Variants in CACNA2D3 observed in about 807,000 individuals in gnomAD.
The protein encoded by CACNA2D3 is voltage-dependent calcium channel subunit alpha-2/delta-3.
A neutral mutation model predicts 160.6 loss-of-function variants in CACNA2D3; 60 were observed. The observed-to-expected ratio is 0.37, with a 90% CI of 0.30 to 0.46. The LOEUF (loss-of-function observed/expected upper bound fraction) is 0.46. Ranked by LOEUF, CACNA2D3 falls within the 20% of genes least tolerant of loss-of-function variation. The probability of loss-of-function intolerance (pLI) is 1.00; values close to 1 mark genes in which losing one functional copy is unlikely to be tolerated. For missense variants in CACNA2D3, 1,205 were observed against 1,365.0 expected, an observed-to-expected ratio of 0.88 and a Z score of 1.85; for synonymous variants, 558 against 492.9, an observed-to-expected ratio of 1.13 and a Z score of -1.75.
At chr3:54,439,715 G>A (rs1700114023) in intron 4 of CACNA2D3, among the ~76,000 whole-genome samples, 1 of 152,116 alleles carries the variant, frequency 6.6e-6, no homozygotes, top group Admixed American at 6.5e-5. Flanking sequence ...CTTGGGGGAG[G>A]CAGTCACAGA....
chr3:54,997,944 A>G (rs141708862), intron 31 of CACNA2D3, among the ~76,000 whole-genome samples: 103 of 152,274 alleles, frequency 6.8e-4, no homozygotes, highest in Non-Finnish European at 1.3e-3. Context: ...ATGTTTGGGA[A>G]GCAGTTTAAG....
intron 17 of CACNA2D3, among the ~76,000 whole-genome samples, chr3:54,860,583 A>T (rs1471985236): frequency 6.6e-6 from 1 of 152,166 alleles, no homozygotes; most frequent in African/African-American, 2.4e-5. Flanking sequence ...TTTGAGCGTT[A>T]ATGATTTGAA....
intron 13 of CACNA2D3, among the ~76,000 whole-genome samples, chr3:54,765,033 TG>T (rs59741546): frequency 0.41 from 62,080 of 151,922 alleles, 13,879 homozygotes; most frequent in Non-Finnish European, 0.49. Flanking sequence ...ATGGGAGTGG[TG>T]TTTTTCATTT....
intron 9 of CACNA2D3, among the ~76,000 whole-genome samples, chr3:54,588,402 T>C (rs536557863): frequency 6.6e-6 from 1 of 152,312 alleles, no homozygotes; most frequent in African/African-American, 2.4e-5. Flanking sequence ...CCTCTTAAGA[T>C]CAGGAACAGG....
In CACNA2D3 at chr3:54,503,889, A is replaced by C. The variant is rs567933155; in HGVS notation, c.544+235A>C. 4.1e-4 allele frequency among the ~76,000 whole-genome samples: 63 copies of C among 152,282 alleles called. 1 individual carries two copies. Among genetic ancestry groups the C allele is most frequent in the African/African-American group, 1.5e-3 (63 of 41,552 alleles). ...GTTTACATCAGGCTCTCTAACATGT[A>C]GAATAGGGGTTGGCAGTTTCTATAA... is the stretch of plus-strand genomic sequence containing the variant. On this transcript the variant is annotated intron_variant, in intron 5 of 37. Coordinates refer to ENST00000474759, the MANE Select transcript of CACNA2D3 (RefSeq NM_018398.3).
In CACNA2D3 at chr3:54,985,209, A is replaced by G. The variant is rs540196754; in HGVS notation, c.2619+539A>G. On this transcript the variant is annotated intron_variant, in intron 30 of 37. Transcript: ENST00000474759. The stretch of plus-strand genomic sequence containing the variant: ...ACAAGGGTCCAGAGATAGAAGAGGA[A>G]TATTCTTCATTTGACTGCACCATGT... Among the ~76,000 whole-genome samples the G allele has an allele frequency of 2.0e-5, 3 of 152,332 alleles. No individual in the cohort carries two copies. The East Asian group carries it at 5.8e-4, about 29-fold the overall frequency.
At chr3:54,449,068 G>A (rs372073304) in intron 4 of CACNA2D3, among the ~76,000 whole-genome samples, 18 of 152,306 alleles carry the variant, frequency 1.2e-4, no homozygotes, top group African/African-American at 4.1e-4. Context: ...ACTTTTTAAT[G>A]TCATCATTGA....
chr3:54,745,694 G>A (rs190441988), intron 11 of CACNA2D3, among the ~76,000 whole-genome samples: 2 of 152,134 alleles, frequency 1.3e-5, no homozygotes, highest in Non-Finnish European at 2.9e-5. Context: ...ACCCCAGGTC[G>A]TAGTCTCTGG....
intron 4 of CACNA2D3, among the ~76,000 whole-genome samples, chr3:54,387,755 T>G (rs1396743645): frequency 6.6e-6 from 1 of 152,230 alleles, no homozygotes; most frequent in Non-Finnish European, 1.5e-5. Context: ...TTTTGTGACC[T>G]TTCCTCACCA....
At chr3:54,525,157 T>C (rs969960311) in intron 5 of CACNA2D3, among the ~76,000 whole-genome samples, 1 of 152,148 alleles carries the variant, frequency 6.6e-6, no homozygotes, top group Non-Finnish European at 1.5e-5. Context: ...TTAACCTTAT[T>C]TAAAATGTAT....
chr3:55,027,892 G>A (rs567346610), intron 35 of CACNA2D3, among the ~76,000 whole-genome samples: 1 of 152,256 alleles, frequency 6.6e-6, no homozygotes, highest in East Asian at 1.9e-4. Flanking sequence ...CCAAAGAACT[G>A]AGCACTTCCC....
chr3:54,290,871 G>A (rs989685546), intron 2 of CACNA2D3, among the ~76,000 whole-genome samples: 1 of 151,240 alleles, frequency 6.6e-6, no homozygotes, highest in African/African-American at 2.4e-5. Context: ...AGAACACACG[G>A]ACACAGGAAG....
chr3:54,276,572 CAAA>C (rs34052239), intron 2 of CACNA2D3, among the ~76,000 whole-genome samples: 246 of 114,580 alleles, frequency 2.1e-3, no homozygotes, highest in African/African-American at 6.2e-3. Flanking sequence ...GACTCTGTCT[CAAA>C]AAAAAAAAAA....
chr3:54,918,352 T>C, intron 27 of CACNA2D3: 3 of 395,484 alleles, frequency 7.6e-6, no homozygotes, highest in South Asian at 6.7e-5. Context: ...TTTTTTTTTT[T>C]TTTGTCTTTT....
In CACNA2D3 at chr3:54,549,394, C is replaced by G. The variant is rs373179685; in HGVS notation, c.545-13406C>G. Among the ~76,000 whole-genome samples the G allele has an allele frequency of 2.0e-5, 3 of 152,260 alleles. No individual in the cohort carries two copies. In the East Asian group the frequency reaches 5.8e-4, roughly 29 times the overall value. Reference sequence around the variant, plus strand: ...CCAGGAGGCGGAACTTGCAGTGAGCCGAGATCGTGCCACTGCAGTCTGGCC... The same window carrying G: ...CCAGGAGGCGGAACTTGCAGTGAGCGGAGATCGTGCCACTGCAGTCTGGCC... On this transcript the variant is annotated intron_variant, in intron 5 of 37. Transcript: ENST00000474759.
At chr3:54,277,917 T>C (rs1396172914) in intron 2 of CACNA2D3, among the ~76,000 whole-genome samples, 1 of 152,202 alleles carries the variant, frequency 6.6e-6, no homozygotes, top group African/African-American at 2.4e-5. Flanking sequence ...CCTCATGATT[T>C]GGCTCTCTAT....
At chr3:54,501,018 A>G (rs1329965734) in intron 4 of CACNA2D3, among the ~76,000 whole-genome samples, 1 of 152,226 alleles carries the variant, frequency 6.6e-6, no homozygotes, top group African/African-American at 2.4e-5. Flanking sequence ...CTGATACTGT[A>G]TCCTCTTGAA....
intron 35 of CACNA2D3, among the ~76,000 whole-genome samples, chr3:55,071,808 A>T (rs6783807): frequency 0.014 from 2,180 of 152,112 alleles, 53 homozygotes; most frequent in African/African-American, 0.049. Flanking sequence ...TTTATTGTTC[A>T]TCTGGCAGAC....
intron 6 of CACNA2D3, among the ~76,000 whole-genome samples, chr3:54,566,935 C>T (rs1702418477): frequency 6.6e-6 from 1 of 152,176 alleles, no homozygotes; most frequent in Admixed American, 6.5e-5. Context: ...CACAGCATTA[C>T]TTTTTGTTTC....
Sources: allele counts gnomAD v4.1 joint callset (sites outside exome capture counted in the v4.1 genomes callset), GRCh38; gene constraint gnomAD v4.1.1; transcripts MANE v1.5; gene names NCBI Gene and HGNC (gene_info 2026-07-23, HGNC 2026-07-21).